UCHL3: variants seen among roughly 807,000 people sequenced by gnomAD.
UCHL3 encodes ubiquitin carboxyl-terminal hydrolase isozyme L3.
In UCHL3, 22 loss-of-function variants were observed where a neutral mutation model predicts 35.8. That is an observed-to-expected ratio of 0.61 (90% confidence interval 0.44 to 0.88). The LOEUF is 0.88. Among genes scored for constraint, UCHL3 ranks in the 40% least tolerant of loss-of-function variants. UCHL3 has a pLI of 0.00. For missense variants in UCHL3, 229 were observed against 276.9 expected (o/e 0.83, Z 1.23); for synonymous variants, 90 against 92.8 (o/e 0.97, Z 0.17).
At chr13:75,595,947 C>T (rs149817238) in intron 7 of UCHL3, among the ~76,000 whole-genome samples, 28 of 152,082 alleles carry the variant, frequency 1.8e-4, no homozygotes, top group African/African-American at 6.0e-4. Flanking sequence ...AAGACCTTCT[C>T]GAGTTTTAAA....
chr13:75,560,259 A>G (rs1287188349), intron 2 of UCHL3, among the ~76,000 whole-genome samples: 2 of 152,190 alleles, frequency 1.3e-5, no homozygotes, highest in Admixed American at 1.3e-4. Flanking sequence ...TTTATTTACT[A>G]TAACTTAAAT....
At chr13:75,550,272 A>G (rs569064701) in intron 2 of UCHL3, among the ~76,000 whole-genome samples, 1 of 151,996 alleles carries the variant, frequency 6.6e-6, no homozygotes, top group South Asian at 2.1e-4. Context: ...CTGTATTCCT[A>G]TTCCCCTTCC....
intron 6 of UCHL3, among the ~76,000 whole-genome samples, chr13:75,593,214 A>T (rs2032558403): frequency 6.6e-6 from 1 of 152,222 alleles, no homozygotes; most frequent in African/African-American, 2.4e-5. Context: ...TAGGTGAATG[A>T]ATAATTCATT....
chr13:75,604,545 T>C lies in UCHL3; in HGVS notation c.551-224T>C, dbSNP rs73223981. On this transcript the variant is annotated intron_variant, in intron 7 of 8. Transcript: ENST00000377595. Reference sequence around the variant, plus strand: ...AAGCCAGCATTGTAATAAATTCCGTTCATGAAGATAATTTAGGCTTTCAAA... The same window carrying C: ...AAGCCAGCATTGTAATAAATTCCGTCCATGAAGATAATTTAGGCTTTCAAA... 2,968 of 378,862 alleles carry C rather than the reference T, an allele frequency of 7.8e-3. 12 individuals carry two copies. Among genetic ancestry groups the C allele is most frequent in the Middle Eastern group, 0.018 (27 of 1,536 alleles). The allele number at this position is 378,862 out of a possible 1,614,324, so 23.5% of individuals were successfully genotyped here. A position where few individuals can be genotyped will look rare whatever the true frequency, so the allele number is the denominator to read the frequency against.
At chr13:75,577,741 G>A (rs1404465775) in intron 6 of UCHL3, among the ~76,000 whole-genome samples, 3 of 152,186 alleles carry the variant, frequency 2.0e-5, no homozygotes, top group East Asian at 1.9e-4. Flanking sequence ...TGATGTAATA[G>A]TGGAAACAGT....
intron 2 of UCHL3, among the ~76,000 whole-genome samples, chr13:75,555,510 C>G (rs554804495): frequency 6.8e-4 from 103 of 152,246 alleles, no homozygotes; most frequent in African/African-American, 2.3e-3. Flanking sequence ...TATAAAGCTG[C>G]TTTCCTGCTC....
intron 6 of UCHL3, among the ~76,000 whole-genome samples, chr13:75,581,265 A>G (rs1457881016): frequency 6.6e-6 from 1 of 152,162 alleles, no homozygotes; most frequent in Non-Finnish European, 1.5e-5. Context: ...CTGTAAACCA[A>G]AACCCACTTA....
At chr13:75,586,947 G>C (rs1219598557) in intron 6 of UCHL3, among the ~76,000 whole-genome samples, 1 of 140,680 alleles carries the variant, frequency 7.1e-6, no homozygotes, top group Non-Finnish European at 1.5e-5. Context: ...GGAAACTATA[G>C]TATTACATGC....
At chr13:75,595,597 CAAAAAAAAAAAAAA>C (rs58733406) in intron 7 of UCHL3, among the ~76,000 whole-genome samples, 5 of 45,658 alleles carry the variant, frequency 1.1e-4, no homozygotes, top group African/African-American at 1.4e-4. Context: ...TACTCCATCT[CAAAAAAAAAAAAAA>C]AAAAAAAAAA....
intron 6 of UCHL3, chr13:75,590,298 T>A (rs1414708960): frequency 1.0e-6 from 1 of 961,080 alleles, no homozygotes; most frequent in Admixed American, 6.2e-5. Flanking sequence ...CATTCTAGCT[T>A]GACTTTTGCC....
At chr13:75,588,294 GA>G (rs914171684) in intron 6 of UCHL3, among the ~76,000 whole-genome samples, 6 of 151,896 alleles carry the variant, frequency 4.0e-5, no homozygotes, top group Admixed American at 6.6e-5. Context: ...TAGATTCTTA[GA>G]AATTTTTTTC....
At chr13:75,582,494 CGTT>C (rs1335852044) in intron 6 of UCHL3, among the ~76,000 whole-genome samples, 1 of 151,988 alleles carries the variant, frequency 6.6e-6, no homozygotes, top group East Asian at 1.9e-4. Flanking sequence ...ACATTGGTGT[CGTT>C]AATAGTTTTG....
chr13:75,563,810 T>C (rs144094499), intron 3 of UCHL3, among the ~76,000 whole-genome samples: 48 of 152,296 alleles, frequency 3.2e-4, no homozygotes, highest in Middle Eastern at 3.4e-3. Context: ...AGTGATATTA[T>C]ACAATATTTT....
chr13:75,562,290 T>C lies in UCHL3; in HGVS notation c.183+1409T>C, dbSNP rs79988056. 9.6e-4 allele frequency among the ~76,000 whole-genome samples: 146 copies of C among 152,242 alleles called. 3 individuals carry two copies. The East Asian group carries it at 0.021, about 22-fold the overall frequency. On this transcript the variant is annotated intron_variant, in intron 3 of 8. Coordinates refer to ENST00000377595, the MANE Select transcript of UCHL3 (RefSeq NM_006002.5). ...AAATTATTCAATAAAAGAAATGATA[T>C]TTCTTTGCATTTACTATTCATAATA...
intron 5 of UCHL3, among the ~76,000 whole-genome samples, chr13:75,567,711 C>T: frequency 6.6e-6 from 1 of 152,196 alleles, no homozygotes. Context: ...CCACACCTGG[C>T]TAATTTTTGT....
chr13:75,602,026 G>A (rs532646685), intron 7 of UCHL3, among the ~76,000 whole-genome samples: 1 of 151,910 alleles, frequency 6.6e-6, no homozygotes, highest in African/African-American at 2.4e-5. Context: ...GGAGAATGGC[G>A]TGAACCCGGG....
rs1443914097 is a variant in UCHL3 at position 75,549,860 on chromosome 13, G to A, written c.40G>A (p.Glu14Lys). The change falls in exon 1 of 9, where the codon GAG becomes AAG. Residue 14 changes from glutamate (E) to lysine (K), a missense_variant and splice_region_variant. By Grantham distance (56) the Glu-to-Lys change is moderately conservative. Transcript: ENST00000377595. ...CTGGCTGCCGCTGGAGGCCAATCCC[G>A]AGGTGGGCGCGCTTCGGGGCAGCCC... Reference protein sequence around the residue: ...QRWLPLEANPEVTNQFLKQLG... With the variant: ...QRWLPLEANPKVTNQFLKQLG... 1 of 1,608,760 alleles carries A rather than the reference G, an allele frequency of 6.2e-7. No individual in the cohort carries two copies. The highest frequency in any genetic ancestry group is 8.5e-7 in the Non-Finnish European group (1 of 1,177,328).
intron 6 of UCHL3, among the ~76,000 whole-genome samples, chr13:75,592,458 A>ATATATGTATATATG (rs2032533757): frequency 4.3e-5 from 5 of 117,618 alleles, no homozygotes; most frequent in Non-Finnish European, 7.1e-5. Context: ...ATATATATAT[A>ATATATGTATATATG]TATATATATG....
chr13:75,598,208 T>A (rs2032693201), intron 7 of UCHL3, among the ~76,000 whole-genome samples: 1 of 152,188 alleles, frequency 6.6e-6, no homozygotes. Context: ...CTCCCATACA[T>A]CCTCCCACAG....
Sources: gnomAD v4.1 joint callset for allele counts (sites outside exome capture counted in the v4.1 genomes callset) on GRCh38, gnomAD v4.1.1 for gene constraint, MANE v1.5 for transcripts, NCBI Gene and HGNC (gene_info 2026-07-23, HGNC 2026-07-21) for gene names.